ZFYVE21: variants seen among roughly 807,000 people sequenced by gnomAD.
ZFYVE21 encodes the protein zinc finger FYVE-type containing 21, also known as zinc finger FYVE domain-containing protein 21.
In ZFYVE21, 21 loss-of-function variants were observed where a neutral mutation model predicts 29.5. The observed-to-expected ratio is 0.71, with a 90% CI of 0.50 to 1.02. ZFYVE21 has a LOEUF of 1.02. ZFYVE21 is among the 50% of genes least tolerant of loss of function. The probability of loss-of-function intolerance (pLI) is 0.00; values close to 1 mark genes in which losing one functional copy is unlikely to be tolerated. For missense variants in ZFYVE21, 326 were observed against 335.4 expected (o/e 0.97, Z 0.22); for synonymous variants, 151 against 133.8 (o/e 1.13, Z -0.89).
At chr14:103,732,261 G>A (rs541055414) in intron 5 of ZFYVE21, 8 of 175,780 alleles carry the variant, frequency 4.6e-5, no homozygotes, top group Non-Finnish European at 9.5e-5. Context: ...GCAGGAGCCA[G>A]TCTTGTCTGG....
chr14:103,733,082 A>G lies in ZFYVE21; in HGVS notation c.*64A>G. 6.3e-7 allele frequency: 1 copy of G among 1,597,310 alleles called. No homozygotes were observed. On this transcript the variant is annotated 3_prime_UTR_variant, in exon 7 of 7. Coordinates refer to ENST00000311141, the MANE Select transcript of ZFYVE21 (RefSeq NM_024071.4). ...AGGACTGAGTCGCTTGGAACAGCAG[A>G]GCCTGCTCCTTGCGTACCACAGGGA...
chr14:103,717,077 TGGG>T lies in ZFYVE21; in HGVS notation c.138+1102_138+1104del, dbSNP rs147728314. The stretch of plus-strand genomic sequence containing the variant: ...CATTGAAGCTTGGTTGGAGGCCTGG[TGGG>T]GGGTGAGCGGCCACAGAGCCTCGGG... On this transcript the variant is annotated intron_variant, in intron 1 of 6. Coordinates refer to ENST00000311141, the MANE Select transcript of ZFYVE21 (RefSeq NM_024071.4). 9.9e-4 allele frequency among the ~76,000 whole-genome samples: 150 copies of T among 152,118 alleles called. 2 individuals carry two copies. In the East Asian group the frequency reaches 0.021, roughly 21 times the overall value.
intron 1 of ZFYVE21, among the ~76,000 whole-genome samples, chr14:103,720,131 C>T (rs76835270): frequency 0.01 from 1,593 of 152,144 alleles, 20 homozygotes; most frequent in East Asian, 0.041. Flanking sequence ...CACACCCCAC[C>T]GCGGGGTCCC....
intron 1 of ZFYVE21, among the ~76,000 whole-genome samples, chr14:103,718,991 C>T (rs371098622): frequency 6.6e-6 from 1 of 152,180 alleles, no homozygotes; most frequent in Non-Finnish European, 1.5e-5. Flanking sequence ...GAGGGTCTCA[C>T]AGGCCAGGCC....
chr14:103,729,363 G>T (rs957783650), intron 5 of ZFYVE21, 181 bp downstream of exon 5: 7 of 621,856 alleles, frequency 1.1e-5, no homozygotes, highest in South Asian at 7.9e-5. Context: ...TTTAGAACTC[G>T]CCAGGTGAGT....
intron 1 of ZFYVE21, among the ~76,000 whole-genome samples, chr14:103,721,352 G>T (rs978275134): frequency 1.3e-5 from 2 of 152,188 alleles, no homozygotes; most frequent in African/African-American, 2.4e-5. Context: ...GCATGCACCT[G>T]CCCTGATCCT....
rs1595685646 is a variant in ZFYVE21, at chr14:103,716,131, C to G, written c.138+152C>G. On this transcript the variant is annotated intron_variant, in intron 1 of 6. Coordinates refer to ENST00000311141, the MANE Select transcript of ZFYVE21 (RefSeq NM_024071.4). This position sits in a 1 kb window ranked among gnomAD's most constrained non-coding sequence, Gnocchi z 4.8. ...CCCCCGCTCTCTCCCAGGTTGGCCG[C>G]GTCCCCGGGCCGCCGCCTCAGGCTC... The G allele has an allele frequency of 1.3e-6, 1 of 791,642 alleles. No homozygotes were observed. Among genetic ancestry groups the G allele is most frequent in the Non-Finnish European group, 1.6e-6 (1 of 621,784 alleles). The allele number at this position is 791,642 out of a possible 1,614,324, so 49.0% of individuals were successfully genotyped here. A position where few individuals can be genotyped will look rare whatever the true frequency, so the allele number is the denominator to read the frequency against.
intron 2 of ZFYVE21, 159 bp from the exon 3 acceptor site, chr14:103,727,587 G>T: frequency 1.1e-6 from 1 of 890,442 alleles, no homozygotes; most frequent in African/African-American, 1.6e-5. Context: ...GCGTGGTGGG[G>T]AGCCCAGGGG....
intron 6 of ZFYVE21, 105 bp from the exon 7 acceptor site, chr14:103,732,878 T>G (rs1745061999): frequency 6.2e-7 from 1 of 1,602,322 alleles, no homozygotes; most frequent in African/African-American, 1.3e-5. Flanking sequence ...CTGTTCCCCC[T>G]CAGCTGGGGT....
At chr14:103,730,013 T>C in intron 5 of ZFYVE21, 1 of 747,306 alleles carries the variant, frequency 1.3e-6, no homozygotes. Flanking sequence ...TAAGTGGGTT[T>C]ATAAAGCATA....
At chr14:103,728,584 C>T (rs1030360746) in intron 3 of ZFYVE21, among the ~76,000 whole-genome samples, 3 of 152,152 alleles carry the variant, frequency 2.0e-5, no homozygotes, top group East Asian at 3.9e-4. Flanking sequence ...GCTCTTAGGA[C>T]GTGTGAGCAG....
chr14:103,721,481 C>G (rs1241753095), intron 1 of ZFYVE21, among the ~76,000 whole-genome samples: 3 of 152,252 alleles, frequency 2.0e-5, no homozygotes, highest in African/African-American at 7.2e-5. Context: ...AGGTGAGTGC[C>G]AGGCGCCCCA....
chr14:103,728,782 G>A, intron 3 of ZFYVE21, 126 bp from the exon 4 acceptor site: 1 of 905,750 alleles, frequency 1.1e-6, no homozygotes, highest in Non-Finnish European at 1.7e-6. Context: ...TTAGAACAAA[G>A]CTGTGGTTTG....
At chr14:103,723,822 C>T (rs1454518995) in intron 1 of ZFYVE21, among the ~76,000 whole-genome samples, 1 of 152,238 alleles carries the variant, frequency 6.6e-6, no homozygotes, top group Non-Finnish European at 1.5e-5. Context: ...TGTCTCCGAG[C>T]CCCCTGTGGA....
rs1316162178 is a variant in ZFYVE21 at position 103,716,409 on chromosome 14, G to T, written c.138+430G>T. Among the ~76,000 whole-genome samples the T allele has an allele frequency of 6.6e-6, 1 of 152,148 alleles. No homozygotes were observed. Among genetic ancestry groups the T allele is most frequent in the Non-Finnish European group, 1.5e-5 (1 of 68,018 alleles). Reference sequence around the variant, plus strand: ...TCCTCGCAGGCTCGGTGGGGAGGGCGCGTGCTGTCCGCGGAAGCGCTGGAG... The same window carrying T: ...TCCTCGCAGGCTCGGTGGGGAGGGCTCGTGCTGTCCGCGGAAGCGCTGGAG... On this transcript the variant is annotated intron_variant, in intron 1 of 6. Transcript: ENST00000311141. This position sits in a 1 kb window ranked among gnomAD's most constrained non-coding sequence, Gnocchi z 4.8.
intron 5 of ZFYVE21, chr14:103,730,194 G>T (rs367823346): frequency 6.2e-5 from 18 of 292,488 alleles, no homozygotes; most frequent in African/African-American, 3.7e-4. Context: ...TTCCCCCCGA[G>T]GCCTGCTGCT....
intron 6 of ZFYVE21, 52 bp from the exon 7 acceptor site, chr14:103,732,931 C>A: frequency 6.2e-7 from 1 of 1,613,706 alleles, no homozygotes. Flanking sequence ...CTTGGCTCCA[C>A]CAGGCACAGG....
At position 103,720,394 on chromosome 14, in the gene ZFYVE21, G is replaced by C. The variant is rs1173830029; in HGVS notation, c.138+4415G>C. On this transcript the variant is annotated intron_variant, in intron 1 of 6. Coordinates refer to ENST00000311141, the MANE Select transcript of ZFYVE21 (RefSeq NM_024071.4). ...TTTTTTGATTGGCGAGTTCTTGGGG[G>C]GCTGAGAATTAGTTGACTGTGGGAG... 3.3e-5 allele frequency among the ~76,000 whole-genome samples: 5 copies of C among 152,198 alleles called. No homozygotes were observed. In the East Asian group the frequency reaches 9.7e-4, roughly 29 times the overall value.
chr14:103,727,651 G>A (rs1360722089), intron 2 of ZFYVE21, 95 bp from the exon 3 acceptor site: 2 of 1,515,710 alleles, frequency 1.3e-6, no homozygotes, highest in Admixed American at 3.5e-5. Context: ...CTCGCGTTTA[G>A]GCGTGGCCCG....
Sources: gnomAD v4.1 joint callset for allele counts (sites outside exome capture counted in the v4.1 genomes callset) on GRCh38, gnomAD v4.1.1 for gene constraint, Gnocchi (gnomAD v3.1) non-coding constraint, MANE v1.5 for transcripts, NCBI Gene and HGNC (gene_info 2026-07-23, HGNC 2026-07-21) for gene names.